Variants in RNGTT observed in about 807,000 individuals in gnomAD.
RNGTT encodes the protein mRNA-capping enzyme.
A neutral mutation model predicts 79.3 loss-of-function variants in RNGTT; 33 were observed. That is an observed-to-expected ratio of 0.42 (90% CI 0.32 to 0.56). RNGTT has a LOEUF of 0.56. RNGTT is among the 20% of genes least tolerant of loss of function. RNGTT has a pLI of 0.17. For missense variants in RNGTT, 497 were observed against 739.1 expected, an observed-to-expected ratio of 0.67 and a Z score of 3.80; for synonymous variants, 222 against 235.9, an observed-to-expected ratio of 0.94 and a Z score of 0.54.
chr6:88,702,927 A>T (rs1775994646), intron 13 of RNGTT, among the ~76,000 whole-genome samples: 1 of 152,174 alleles, frequency 6.6e-6, no homozygotes, highest in South Asian at 2.1e-4. Flanking sequence ...CGACACATAA[A>T]CAGCCAACAA....
chr6:88,790,773 C>G (rs1779380945), intron 12 of RNGTT, among the ~76,000 whole-genome samples: 1 of 152,114 alleles, frequency 6.6e-6, no homozygotes, highest in Non-Finnish European at 1.5e-5. Context: ...TTTTAGACTT[C>G]CCCAGAAGAA....
intron 13 of RNGTT, among the ~76,000 whole-genome samples, chr6:88,747,941 CT>C (rs1292331872): frequency 2.6e-5 from 4 of 152,156 alleles, no homozygotes; most frequent in Non-Finnish European, 5.9e-5. Flanking sequence ...TAGCTATCAT[CT>C]AGTACCACAC....
intron 8 of RNGTT, among the ~76,000 whole-genome samples, chr6:88,864,373 C>A (rs369594677): frequency 1.3e-5 from 2 of 151,988 alleles, no homozygotes; most frequent in Non-Finnish European, 2.9e-5. Flanking sequence ...TGTTCATTTG[C>A]CAACATTAGC....
rs181896839 is a variant in RNGTT at position 88,665,787 on chromosome 6, C to T, written c.1506+12566G>A. ...AGTTTCCTGCCAGAGACCTAGGCTG[C>T]GTGTTGTTCCAGTACATCGACAACC... On this transcript the variant is annotated intron_variant, in intron 14 of 15. Transcript: ENST00000369485. Among the ~76,000 whole-genome samples the T allele has an allele frequency of 1.9e-3, 295 of 152,312 alleles. 4 individuals are homozygous for T. Among genetic ancestry groups the T allele is most frequent in the African/African-American group, 7.0e-3 (289 of 41,566 alleles).
intron 1 of RNGTT, among the ~76,000 whole-genome samples, chr6:88,962,475 TAAAC>T (rs1365686493): frequency 4.0e-5 from 6 of 150,762 alleles, no homozygotes; most frequent in Non-Finnish European, 8.9e-5. Context: ...CCACAAAAAA[TAAAC>T]AAAAAAATTA....
At chr6:88,734,963 T>C (rs1777236087) in intron 13 of RNGTT, among the ~76,000 whole-genome samples, 1 of 152,130 alleles carries the variant, frequency 6.6e-6, no homozygotes, top group Non-Finnish European at 1.5e-5. Context: ...CATTTTTGAC[T>C]TAACAGTATT....
At chr6:88,770,381 T>C (rs887910737) in intron 12 of RNGTT, among the ~76,000 whole-genome samples, 3 of 152,220 alleles carry the variant, frequency 2.0e-5, no homozygotes, top group African/African-American at 7.2e-5. Flanking sequence ...AGTTGTACCT[T>C]TTCTAGCTAC....
chr6:88,638,305 G>C (rs938391026), intron 14 of RNGTT, among the ~76,000 whole-genome samples: 2 of 152,108 alleles, frequency 1.3e-5, no homozygotes, highest in Admixed American at 1.3e-4. Flanking sequence ...TTACTTTTTA[G>C]ACGTGATTGT....
rs531404053 is a variant in RNGTT at position 88,872,390 on chromosome 6, A to G, written c.896+18105T>C. 7.9e-5 allele frequency among the ~76,000 whole-genome samples: 12 copies of G among 152,230 alleles called. No individual in the cohort carries two copies. The East Asian group carries it at 2.3e-3, about 29-fold the overall frequency. On this transcript the variant is annotated intron_variant, in intron 8 of 15. Transcript: ENST00000369485. ...CAACAGCTTGACTGCAATCTGATAG[A>G]CGACATTGAACCATAATCACCCAGC...
chr6:88,672,970 C>T (rs1478644270), intron 14 of RNGTT, among the ~76,000 whole-genome samples: 7 of 152,188 alleles, frequency 4.6e-5, no homozygotes, highest in Non-Finnish European at 1.0e-4. Flanking sequence ...TACTTATTGG[C>T]ATGCTATAGC....
intron 10 of RNGTT, among the ~76,000 whole-genome samples, chr6:88,845,350 A>T (rs950307432): frequency 1.3e-5 from 2 of 152,222 alleles, no homozygotes; most frequent in Non-Finnish European, 1.5e-5. Context: ...AATGTTCTTA[A>T]AGCATATATG....
intron 13 of RNGTT, among the ~76,000 whole-genome samples, chr6:88,686,206 G>C (rs1775270951): frequency 6.6e-6 from 1 of 151,062 alleles, no homozygotes; most frequent in South Asian, 2.1e-4. Flanking sequence ...TTTTAATCTA[G>C]GAATAAAACT....
intron 4 of RNGTT, among the ~76,000 whole-genome samples, chr6:88,926,968 C>T (rs950140972): frequency 3.9e-5 from 6 of 152,020 alleles, no homozygotes; most frequent in East Asian, 3.9e-4. Context: ...TTTTATCTTA[C>T]GTTCTCAATA....
At chr6:88,746,841 C>T (rs1040104525) in intron 13 of RNGTT, among the ~76,000 whole-genome samples, 8 of 152,152 alleles carry the variant, frequency 5.3e-5, no homozygotes, top group African/African-American at 1.7e-4. Flanking sequence ...ATACTCTATA[C>T]TGATTCCAGG....
chr6:88,752,658 A>C (rs1030926220), intron 13 of RNGTT, among the ~76,000 whole-genome samples: 1 of 152,146 alleles, frequency 6.6e-6, no homozygotes, highest in Non-Finnish European at 1.5e-5. Flanking sequence ...AAACTTAGGA[A>C]GACAAATATG....
Position 88,905,875 on chromosome 6 carries a change from T to C in RNGTT, c.443+490A>G, listed in dbSNP as rs141185300. 4.6e-3 allele frequency among the ~76,000 whole-genome samples: 697 copies of C among 152,330 alleles called. 5 individuals are homozygous for C. The highest frequency in any genetic ancestry group is 0.015 in the African/African-American group (635 of 41,590). ...ATGCAAAACACCTGGCTGGGTGTGG[T>C]GGCTCATGCCTGTAATCCCAACATT... On this transcript the variant is annotated intron_variant, in intron 5 of 15. Transcript: ENST00000369485.
chr6:88,920,518 AAC>A (rs893113561), intron 4 of RNGTT, among the ~76,000 whole-genome samples: 1 of 152,228 alleles, frequency 6.6e-6, no homozygotes, highest in Non-Finnish European at 1.5e-5. Flanking sequence ...GAATATATAT[AAC>A]AGTCACACAT....
intron 14 of RNGTT, among the ~76,000 whole-genome samples, chr6:88,637,187 A>G (rs1197682318): frequency 1.3e-5 from 2 of 152,086 alleles, no homozygotes; most frequent in Non-Finnish European, 2.9e-5. Flanking sequence ...GTAGAAAAGT[A>G]TGATGATATA....
rs144326997 is a variant in RNGTT at position 88,704,031 on chromosome 6, G to A, written c.1440-25612C>T. On this transcript the variant is annotated intron_variant, in intron 13 of 15. Coordinates refer to ENST00000369485, the MANE Select transcript of RNGTT (RefSeq NM_003800.5). ...TCCCAGCACTTTGGGAGGCTTAGGCGGGCGGATCACGAGGTCAGGAGATCA... is the reference window on the plus strand; with the variant it reads ...TCCCAGCACTTTGGGAGGCTTAGGCAGGCGGATCACGAGGTCAGGAGATCA... Among the ~76,000 whole-genome samples, 971 of 152,050 alleles carry A rather than the reference G, an allele frequency of 6.4e-3. 12 individuals carry two copies. Among genetic ancestry groups the A allele is most frequent in the African/African-American group, 0.022 (933 of 41,488 alleles).
Sources: allele counts gnomAD v4.1 joint callset (sites outside exome capture counted in the v4.1 genomes callset), GRCh38; gene constraint gnomAD v4.1.1; transcripts MANE v1.5; gene names NCBI Gene and HGNC (gene_info 2026-07-23, HGNC 2026-07-21).